STK32A: variants seen among roughly 807,000 people sequenced by gnomAD.
STK32A encodes serine/threonine kinase 32A.
A neutral mutation model predicts 53.2 loss-of-function variants in STK32A; 41 were observed. The observed-to-expected ratio is 0.77, with a 90% CI of 0.60 to 1.00. STK32A has a LOEUF of 1.00. STK32A is among the 50% of genes least tolerant of loss of function. STK32A has a pLI of 0.00. For missense variants in STK32A, 458 were observed against 485.8 expected (o/e 0.94, Z 0.54); for synonymous variants, 166 against 162.8 (o/e 1.02, Z -0.15).
At chr5:147,361,659 C>G (rs1756511036) in intron 8 of STK32A, 45 bp downstream of exon 8, 1 of 1,354,420 alleles carries the variant, frequency 7.4e-7, no homozygotes, top group Admixed American at 1.8e-5. Flanking sequence ...CCAGCAAGTT[C>G]TATTTTAGAA....
chr5:147,400,602 G>A, the STK32A span: 2 of 1,510,542 alleles, frequency 1.3e-6, no homozygotes, highest in Non-Finnish European at 1.8e-6. Context: ...TGCACTCGCA[G>A]TGTCACCAGC....
intron 11 of STK32A, among the ~76,000 whole-genome samples, chr5:147,377,568 A>G (rs545911379): frequency 6.6e-6 from 1 of 151,848 alleles, no homozygotes; most frequent in South Asian, 2.1e-4. Flanking sequence ...TCCTTTCTTC[A>G]TGGTTTGCTA....
At chr5:147,309,449 A>G (rs994422813) in intron 4 of STK32A, among the ~76,000 whole-genome samples, 1 of 152,212 alleles carries the variant, frequency 6.6e-6, no homozygotes, top group Non-Finnish European at 1.5e-5. Flanking sequence ...ATTAAACAAG[A>G]ATCTATCCTG....
chr5:147,340,401 T>A (rs1424146161), intron 5 of STK32A, among the ~76,000 whole-genome samples: 1 of 152,192 alleles, frequency 6.6e-6, no homozygotes, highest in Non-Finnish European at 1.5e-5. Flanking sequence ...TATAGACTAC[T>A]GTCAATGAAA....
chr5:147,317,684 G>C (rs1754075603), intron 4 of STK32A, among the ~76,000 whole-genome samples: 1 of 152,096 alleles, frequency 6.6e-6, no homozygotes, highest in African/African-American at 2.4e-5. Flanking sequence ...GTTGGTCAAG[G>C]AAGCTGTAGA....
chr5:147,348,633 A>T, intron 6 of STK32A: 1 of 744,634 alleles, frequency 1.3e-6, no homozygotes, highest in Non-Finnish European at 2.5e-6. Flanking sequence ...AGACTAAAGT[A>T]GACAGTTGCA....
intron 4 of STK32A, among the ~76,000 whole-genome samples, chr5:147,320,984 G>A (rs1449718476): frequency 4.6e-5 from 7 of 152,200 alleles, no homozygotes; most frequent in African/African-American, 7.2e-5. Flanking sequence ...GGTAGAGAAT[G>A]GATTGAAGAG....
the STK32A span, among the ~76,000 whole-genome samples, chr5:147,398,317 A>G: frequency 3.3e-5 from 5 of 152,212 alleles, no homozygotes; most frequent in Admixed American, 6.5e-5. Flanking sequence ...GCATTACTGT[A>G]CTGCCAATAA....
chr5:147,249,908 C>CAAAAAAAAAAAA lies in STK32A; in HGVS notation c.52+10235_52+10246dup. On this transcript the variant is annotated intron_variant, in intron 2 of 12. Transcript: ENST00000397936. ...TGGGCAACAGAGTAAGCCTCTGTCT[C>CAAAAAAAAAAAA]AAAAAAAAAAAAAAAAAAAAAAAAG... 5.1e-5 allele frequency among the ~76,000 whole-genome samples: 3 copies of CAAAAAAAAAAAA among 58,578 alleles called. 1 individual carries two copies. Among genetic ancestry groups the CAAAAAAAAAAAA allele is most frequent in the Non-Finnish European group, 8.9e-5 (3 of 33,736 alleles). 38.4% of individuals were successfully genotyped at this position (58,578 alleles called of 152,430 possible).
chr5:147,244,354 T>G (rs1056287715), intron 2 of STK32A, among the ~76,000 whole-genome samples: 6 of 152,212 alleles, frequency 3.9e-5, no homozygotes, highest in Non-Finnish European at 8.8e-5. Context: ...TGTGCAAATG[T>G]CTGTTCAAGT....
At chr5:147,299,574 C>T (rs1207779821) in intron 4 of STK32A, among the ~76,000 whole-genome samples, 3 of 152,114 alleles carry the variant, frequency 2.0e-5, no homozygotes, top group African/African-American at 7.2e-5. Context: ...CACTGAAGCT[C>T]CACTTTAGAT....
chr5:147,323,082 T>C (rs935087832), intron 4 of STK32A, among the ~76,000 whole-genome samples: 2 of 152,218 alleles, frequency 1.3e-5, no homozygotes, highest in African/African-American at 2.4e-5. Flanking sequence ...AATTTTACTT[T>C]GGCACCTGGA....
chr5:147,335,357 T>C (rs1005926613), intron 5 of STK32A, among the ~76,000 whole-genome samples: 1 of 152,132 alleles, frequency 6.6e-6, no homozygotes, highest in Non-Finnish European at 1.5e-5. Flanking sequence ...TCTTATAAAA[T>C]CAGAAAATCC....
intron 4 of STK32A, among the ~76,000 whole-genome samples, chr5:147,300,286 G>A (rs1022059333): frequency 6.6e-5 from 10 of 152,200 alleles, no homozygotes; most frequent in African/African-American, 2.4e-4. Flanking sequence ...CACACAGCTA[G>A]GAAGTGGCAG....
At chr5:147,310,344 TC>T (rs1193801238) in intron 4 of STK32A, among the ~76,000 whole-genome samples, 2 of 152,088 alleles carry the variant, frequency 1.3e-5, no homozygotes, top group Non-Finnish European at 2.9e-5. Flanking sequence ...TTCTAGTTCA[TC>T]CCCCTCTGAC....
At chr5:147,237,577 C>G (rs1194587942) in intron 1 of STK32A, among the ~76,000 whole-genome samples, 1 of 152,086 alleles carries the variant, frequency 6.6e-6, no homozygotes, top group Non-Finnish European at 1.5e-5. Flanking sequence ...CTTCCTGGGT[C>G]TCAATAATTC....
chr5:147,339,464 G>A (rs186334329), intron 5 of STK32A, among the ~76,000 whole-genome samples: 2 of 152,328 alleles, frequency 1.3e-5, no homozygotes, highest in African/African-American at 4.8e-5. Context: ...GGAAATATGG[G>A]GTGGGAACCC....
In STK32A at chr5:147,359,875, T is replaced by C. The variant is rs75415629; in HGVS notation, c.563-1642T>C. On this transcript the variant is annotated intron_variant, in intron 7 of 12. Transcript: ENST00000397936. ...GGATGTAAACACTCTACCTCTCTAG[T>C]TGGATGTTGTTCACAGGATTTTACT... is the stretch of plus-strand genomic sequence containing the variant. Among the ~76,000 whole-genome samples, 518 of 152,258 alleles carry C rather than the reference T, an allele frequency of 3.4e-3. 3 individuals carry two copies. Among genetic ancestry groups the C allele is most frequent in the Non-Finnish European group, 5.8e-3 (392 of 68,002 alleles).
intron 2 of STK32A, among the ~76,000 whole-genome samples, chr5:147,274,332 C>T (rs1755163884): frequency 6.6e-6 from 1 of 152,168 alleles, no homozygotes; most frequent in African/African-American, 2.4e-5. Context: ...TGCCTTTGCC[C>T]ACACTAAACC....
Sources: gnomAD v4.1 joint callset for allele counts (sites outside exome capture counted in the v4.1 genomes callset) on GRCh38, gnomAD v4.1.1 for gene constraint, MANE v1.5 for transcripts, NCBI Gene and HGNC (gene_info 2026-07-23, HGNC 2026-07-21) for gene names.